Variants in DNAH9 observed in about 807,000 individuals in gnomAD.
The protein encoded by DNAH9 is DNAH9 variant protein.
Under a neutral mutation model 471.6 loss-of-function variants are expected in DNAH9, and 345 were observed. The ratio of observed to expected loss-of-function variants is 0.73; its 90% CI spans 0.67 to 0.80. The LOEUF is 0.80. DNAH9 is among the 30% of genes least tolerant of loss of function. The pLI, the probability that DNAH9 is intolerant of heterozygous loss-of-function variation, is 0.00. For synonymous variants in DNAH9, 2,093 were observed against 2,123.6 expected, an observed-to-expected ratio of 0.99 and a Z score of 0.40; for missense variants, 5,407 against 5,609.2, an observed-to-expected ratio of 0.96 and a Z score of 1.15.
intron 15 of DNAH9, among the ~76,000 whole-genome samples, chr17:11,668,119 A>G (rs2073906223): frequency 6.6e-6 from 1 of 152,244 alleles, no homozygotes; most frequent in African/African-American, 2.4e-5. Flanking sequence ...AGGCAAGTTG[A>G]CCTAGTAAGT....
intron 4 of DNAH9, chr17:11,612,452 G>C (rs1229927086): frequency 6.4e-6 from 1 of 155,262 alleles, no homozygotes; most frequent in African/African-American, 2.4e-5. Context: ...CTGCTGCTTT[G>C]CACTGTACAA....
chr17:11,699,630 T>C, intron 22 of DNAH9, 101 bp from the exon 23 acceptor site: 2 of 1,032,124 alleles, frequency 1.9e-6, no homozygotes, highest in Non-Finnish European at 1.5e-6. Flanking sequence ...TCCACCACTC[T>C]GTCTTTCACA....
intron 55 of DNAH9, 75 bp downstream of exon 55, chr17:11,881,488 G>A: frequency 1.4e-6 from 2 of 1,468,562 alleles, no homozygotes; most frequent in Non-Finnish European, 1.8e-6. Flanking sequence ...GTTGCAGAGG[G>A]GGGCTGTTTT....
chr17:11,963,824 A>G (rs1019457503), intron 68 of DNAH9, among the ~76,000 whole-genome samples: 8 of 152,188 alleles, frequency 5.3e-5, no homozygotes, highest in Admixed American at 5.2e-4. Flanking sequence ...CAGTTAAACA[A>G]ATTACCTCAA....
chr17:11,915,052 G>A (rs1267292813), intron 61 of DNAH9, among the ~76,000 whole-genome samples: 2 of 151,974 alleles, frequency 1.3e-5, no homozygotes, highest in Non-Finnish European at 2.9e-5. Context: ...CCATCTAATT[G>A]TCTCTATTTT....
Position 11,669,162 on chromosome 17 carries a change from G to A in DNAH9, c.2830G>A (p.Gly944Ser). The A allele has an allele frequency of 6.2e-7, 1 of 1,613,746 alleles. No homozygotes were observed. Among genetic ancestry groups the A allele is most frequent in the Non-Finnish European group, 8.5e-7 (1 of 1,179,712 alleles). Residue 944 changes from glycine (G) to serine (S), a missense_variant, in exon 16 of 69, where the codon GGT (glycine) becomes AGT (serine). Physicochemically the swap from Gly to Ser is moderately conservative, Grantham distance 56. Transcript: ENST00000262442. ...YPSLESGVKG[G>S]FCDIVEGLIT... is the part of the protein sequence containing the mutation. ...GTCTCTGGAGTCTGGAGTGAAGGGG[G>A]GTTTCTGTGACATTGTTGAGGGTCT...
chr17:11,949,096 T>G (rs1975260906), intron 67 of DNAH9, among the ~76,000 whole-genome samples: 1 of 152,194 alleles, frequency 6.6e-6, no homozygotes, highest in African/African-American at 2.4e-5. Flanking sequence ...CTCCCTGACT[T>G]AAAAGAACGA....
Position 11,834,740 on chromosome 17 carries a change from A to G in DNAH9, c.9349A>G (p.Lys3117Glu), listed in dbSNP as rs747105467. ...LIQVVGVETD[K>E]VSREKAMADE... is the part of the protein sequence containing the mutation. ...TCAGGTCGTGGGTGTGGAGACTGACAAAGTGAGCAGAGAGAAAGCCATGGC... is the reference window on the plus strand; with the variant it reads ...TCAGGTCGTGGGTGTGGAGACTGACGAAGTGAGCAGAGAGAAAGCCATGGC... The change falls in exon 49 of 69, where the codon AAA becomes GAA. Residue 3117 changes from lysine to glutamate, a missense_variant. Physicochemically the swap from Lys to Glu is moderately conservative, Grantham distance 56. Transcript: ENST00000262442. The G allele has an allele frequency of 3.5e-5, 57 of 1,614,002 alleles. No homozygotes were observed. In the East Asian group the frequency reaches 1.2e-3, roughly 35 times the overall value.
intron 35 of DNAH9, among the ~76,000 whole-genome samples, chr17:11,760,460 C>A (rs1326589310): frequency 6.6e-6 from 1 of 151,974 alleles, no homozygotes; most frequent in Non-Finnish European, 1.5e-5. Context: ...CAACTCTCCC[C>A]CGAACTCTCA....
rs1423827189 is a variant in DNAH9 at position 11,781,049 on chromosome 17, C to T, written c.7593C>T (p.Asn2531=). 4 of 1,614,156 alleles carry T rather than the reference C, an allele frequency of 2.5e-6. No homozygotes were observed. The highest frequency in any genetic ancestry group is 1.3e-5 in the African/African-American group (1 of 75,070). Residue 2531 remains asparagine (N), a synonymous_variant, in exon 39 of 69, where the codon AAC becomes AAT. Transcript: ENST00000262442. ...EKPLEKKAGR[N]YGPPGNKKLI... is the part of the protein sequence containing the mutation. ...CTCTGGAAAAGAAGGCTGGCAGAAA[C>T]TATGGCCCTCCAGGGAACAAGAAAC... is the stretch of plus-strand genomic sequence containing the variant.
intron 17 of DNAH9, 26 bp from the exon 18 acceptor site, chr17:11,679,731 C>A: frequency 6.7e-7 from 1 of 1,483,238 alleles, no homozygotes; most frequent in South Asian, 1.1e-5. Flanking sequence ...GAGAATGGTT[C>A]CTCATGTTCT....
In DNAH9 at chr17:11,891,777, GC is replaced by G; in HGVS notation, c.11115del (p.Phe3706SerfsTer25). Reference sequence around the variant, plus strand: ...CCAGTTTCCTGTCTTCTGTCCCCAGGCCTTCAGTATCGTCTTCCAGAAGGCT... The same window carrying G: ...CCAGTTTCCTGTCTTCTGTCCCCAGGCTTCAGTATCGTCTTCCAGAAGGCT... ...IHPMYQFSLK[A>X]FSIVFQKAVE... On this transcript the variant is annotated frameshift_variant and splice_region_variant, in exon 58 of 69. Coordinates refer to ENST00000262442, the MANE Select transcript of DNAH9 (RefSeq NM_001372.4). LOFTEE classifies it high-confidence loss of function. 1 of 1,613,952 alleles carries G rather than the reference GC, an allele frequency of 6.2e-7. No homozygotes were observed. Among genetic ancestry groups the G allele is most frequent in the Non-Finnish European group, 8.5e-7 (1 of 1,179,924 alleles).
intron 26 of DNAH9, among the ~76,000 whole-genome samples, chr17:11,710,527 C>T (rs1328814368): frequency 6.6e-6 from 1 of 152,066 alleles, no homozygotes; most frequent in Non-Finnish European, 1.5e-5. Context: ...TACTTTATTA[C>T]TTTTATTATT....
chr17:11,881,908 C>T (rs1055666411), intron 55 of DNAH9, among the ~76,000 whole-genome samples: 1 of 103,432 alleles, frequency 9.7e-6, no homozygotes, highest in Non-Finnish European at 2.4e-5. Flanking sequence ...GAGGTTCTGT[C>T]TCAAAAAAAA....
At position 11,934,515 on chromosome 17, in the gene DNAH9, T is replaced by G. The variant is rs1040063164; in HGVS notation, c.12489+444T>G. The stretch of plus-strand genomic sequence containing the variant: ...GGCTGGAGTGCAGTGGCGCTATCTC[T>G]GCTCACTGCAAGCTCCGCCTCCCGG... On this transcript the variant is annotated intron_variant, in intron 65 of 68. Transcript: ENST00000262442. Among the ~76,000 whole-genome samples the G allele has an allele frequency of 6.9e-5, 10 of 144,966 alleles. No individual in the cohort carries two copies. The East Asian group carries it at 8.6e-4, about 12-fold the overall frequency.
intron 15 of DNAH9, among the ~76,000 whole-genome samples, chr17:11,667,267 G>A (rs539095307): frequency 6.7e-6 from 1 of 149,994 alleles, no homozygotes; most frequent in African/African-American, 2.5e-5. Flanking sequence ...AATTATAGGT[G>A]ATTTTATAAG....
chr17:11,788,788 A>G (rs1482484240), intron 41 of DNAH9, among the ~76,000 whole-genome samples: 1 of 152,182 alleles, frequency 6.6e-6, no homozygotes, highest in African/African-American at 2.4e-5. Flanking sequence ...GAGAGAAGCA[A>G]TGAGAGTAGC....
chr17:11,676,485 G>T (rs1481544317), intron 17 of DNAH9, among the ~76,000 whole-genome samples: 1 of 151,746 alleles, frequency 6.6e-6, no homozygotes, highest in African/African-American at 2.4e-5. Flanking sequence ...GTTTCTCCAT[G>T]TTGGTCATGC....
intron 38 of DNAH9, among the ~76,000 whole-genome samples, chr17:11,770,443 A>AT (rs1308309833): frequency 1.4e-5 from 2 of 144,014 alleles, no homozygotes; most frequent in East Asian, 2.0e-4. Flanking sequence ...CAAAATGCTG[A>AT]TGGGGGGGAG....
Sources: gnomAD v4.1 joint callset for allele counts (sites outside exome capture counted in the v4.1 genomes callset) on GRCh38, gnomAD v4.1.1 for gene constraint, MANE v1.5 for transcripts, NCBI Gene and HGNC (gene_info 2026-07-23, HGNC 2026-07-21) for gene names.